The following CPB1 variants were observed in gnomAD, a reference collection of about 807,000 sequenced individuals.
The protein encoded by CPB1 is carboxypeptidase B.
A neutral mutation model predicts 51.4 loss-of-function variants in CPB1; 53 were observed. The observed-to-expected ratio is 1.03, with a 90% confidence interval of 0.83 to 1.30. The LOEUF (loss-of-function observed/expected upper bound fraction) is 1.30, where lower values mean the gene tolerates loss of function less well. CPB1 is among the 50% of genes most tolerant of loss of function. The pLI is 0.00. For synonymous variants in CPB1, 189 were observed against 186.9 expected (o/e 1.01, Z -0.09); for missense variants, 494 against 516.2 (o/e 0.96, Z 0.42).
chr3:148,845,360 T>G (rs1186094405), intron 8 of CPB1, 64 bp from the exon 9 acceptor site: 1 of 1,498,638 alleles, frequency 6.7e-7, no homozygotes, highest in Non-Finnish European at 9.3e-7. Flanking sequence ...ATTTGAAAGT[T>G]TAAAACATCC....
chr3:148,835,615 A>G (rs1339864058), intron 3 of CPB1, among the ~76,000 whole-genome samples: 2 of 152,202 alleles, frequency 1.3e-5, no homozygotes, highest in Non-Finnish European at 2.9e-5. Flanking sequence ...GAAGGAGGAA[A>G]TAAAGTCTCT....
chr3:148,845,567 C>T lies in CPB1; in HGVS notation c.922C>T (p.Gln308Ter). 6.2e-7 allele frequency: 1 copy of T among 1,613,918 alleles called. No homozygotes were observed. The highest frequency in any genetic ancestry group is 2.2e-5 in the East Asian group (1 of 44,886). The change falls in exon 9 of 11, where the codon CAA becomes TAA. Residue 308 changes from glutamine (Q) to a stop codon, truncating the protein, a stop_gained. Coordinates refer to ENST00000282957, the MANE Select transcript of CPB1 (RefSeq NM_001871.3). LOFTEE classifies it high-confidence loss of function. Reference protein sequence around the residue: ...KAYLTIHSYSQMMIYPYSYAY... With the variant: ...KAYLTIHSYS The stretch of plus-strand genomic sequence containing the variant: ...ATATCTGACAATCCACTCGTACTCC[C>T]AAATGATGATCTACCCTTACTCATA...
chr3:148,847,321 A>G (rs1457328700), intron 9 of CPB1, among the ~76,000 whole-genome samples: 1 of 147,824 alleles, frequency 6.8e-6, no homozygotes, highest in South Asian at 2.2e-4. Flanking sequence ...CACTAGTTGT[A>G]TACAATAACA....
At chr3:148,851,971 G>A (rs1713443410) in intron 9 of CPB1, 1 of 152,140 alleles carries the variant, frequency 6.6e-6, no homozygotes, top group African/African-American at 2.4e-5. Context: ...AATTTTTATT[G>A]TAACCATGTC....
In CPB1 at chr3:148,846,797, GTA is replaced by G. The variant is rs368201293; in HGVS notation, c.981+1215_981+1216del. Reference sequence around the variant, plus strand: ...CACATATATATGTGTGTGTGCGTGTGTATATATATATATATATATATATATAT... The same window carrying G: ...CACATATATATGTGTGTGTGCGTGTGTATATATATATATATATATATATAT... On this transcript the variant is annotated intron_variant, in intron 9 of 10. Coordinates refer to ENST00000282957, the MANE Select transcript of CPB1 (RefSeq NM_001871.3). 7.7e-3 allele frequency among the ~76,000 whole-genome samples: 390 copies of G among 50,356 alleles called. 2 individuals are homozygous for G. Among genetic ancestry groups the G allele is most frequent in the East Asian group, 0.024 (31 of 1,272 alleles). 33.0% of individuals were successfully genotyped at this position (50,356 alleles called of 152,430 possible). A position where few individuals can be genotyped will look rare whatever the true frequency, so the allele number is the denominator to read the frequency against.
Position 148,844,601 on chromosome 3 carries a change from A to G in CPB1, c.687+13A>G. The G allele has an allele frequency of 6.2e-7, 1 of 1,611,826 alleles. No individual in the cohort carries two copies. The highest frequency in any genetic ancestry group is 8.5e-7 in the Non-Finnish European group (1 of 1,177,980). On this transcript the variant is annotated intron_variant, in intron 7 of 10. Coordinates refer to ENST00000282957, the MANE Select transcript of CPB1 (RefSeq NM_001871.3). ...CACCTGGACCAAGGTATATGCACCA[A>G]TACTGAGAGAGGCTGATGAAATTAA...
chr3:148,859,872 T>C lies in CPB1; in HGVS notation c.1124T>C (p.Phe375Ser). ...TATGACCAAGGAATCAGATATTCCT[T>C]CACCTTTGAACTTCGAGATACAGGC... The part of the protein sequence containing the change: ...WAYDQGIRYS[F>S]TFELRDTGRY... Residue 375 changes from phenylalanine to serine, a missense_variant, in exon 11 of 11, where the codon TTC becomes TCC. Coordinates refer to ENST00000282957, the MANE Select transcript of CPB1 (RefSeq NM_001871.3). 2 of 1,614,148 alleles carry C rather than the reference T, an allele frequency of 1.2e-6. No homozygotes were observed. The highest frequency in any genetic ancestry group is 8.5e-7 in the Non-Finnish European group (1 of 1,179,998).
At chr3:148,836,534 G>A (rs953035497) in intron 3 of CPB1, among the ~76,000 whole-genome samples, 10 of 152,116 alleles carry the variant, frequency 6.6e-5, no homozygotes, top group African/African-American at 2.2e-4. Context: ...AATGGTTTCT[G>A]ATAGAATTTC....
intron 9 of CPB1, chr3:148,857,189 T>C (rs1235534398): frequency 1.2e-5 from 3 of 259,270 alleles, no homozygotes; most frequent in Non-Finnish European, 2.2e-5. Context: ...TGTCTCCTGC[T>C]TTTCTGTTAC....
At chr3:148,838,926 T>A (rs1712992166) in intron 3 of CPB1, among the ~76,000 whole-genome samples, 1 of 152,196 alleles carries the variant, frequency 6.6e-6, no homozygotes, top group Non-Finnish European at 1.5e-5. Flanking sequence ...TAAATATAAT[T>A]ATAGTGCTGA....
chr3:148,828,736 G>C (rs1377949658), intron 2 of CPB1, among the ~76,000 whole-genome samples: 2 of 152,122 alleles, frequency 1.3e-5, no homozygotes, highest in African/African-American at 4.8e-5. Context: ...TTCCACTTGG[G>C]CCAATGCCGT....
intron 2 of CPB1, among the ~76,000 whole-genome samples, chr3:148,832,161 G>A (rs561442257): frequency 3.3e-5 from 5 of 152,216 alleles, no homozygotes; most frequent in African/African-American, 1.2e-4. Flanking sequence ...CCATCTTAAA[G>A]AATCCATAAT....
intron 3 of CPB1, among the ~76,000 whole-genome samples, chr3:148,835,398 T>C (rs914725569): frequency 2.6e-5 from 4 of 152,080 alleles, no homozygotes; most frequent in African/African-American, 9.7e-5. Context: ...AAGAGTAAAG[T>C]GCTGGAGTTC....
At position 148,845,440 on chromosome 3, in the gene CPB1, A is replaced by G; in HGVS notation, c.795A>G (p.Arg265=). Residue 265 remains arginine (R), a synonymous_variant, in exon 9 of 11, where the codon CGA becomes CGG. Coordinates refer to ENST00000282957, the MANE Select transcript of CPB1 (RefSeq NM_001871.3). ...DAGWCEIGAS[R]NPCDETYCGP... ...TTTTTCCAGAAATTGGAGCCTCTCG[A>G]AACCCCTGTGATGAAACTTACTGTG... 6.2e-7 allele frequency: 1 copy of G among 1,613,918 alleles called. No homozygotes were observed. The highest frequency in any genetic ancestry group is 8.5e-7 in the Non-Finnish European group (1 of 1,179,838).
At chr3:148,849,697 G>A (rs551016267) in intron 9 of CPB1, among the ~76,000 whole-genome samples, 3 of 152,214 alleles carry the variant, frequency 2.0e-5, no homozygotes, top group Non-Finnish European at 4.4e-5. Flanking sequence ...CTACACAAAG[G>A]TGCCAATCCA....
intron 2 of CPB1, 100 bp from the exon 3 acceptor site, chr3:148,834,398 A>G: frequency 8.6e-7 from 1 of 1,159,744 alleles, no homozygotes; most frequent in Non-Finnish European, 1.3e-6. Context: ...GGATGATTTG[A>G]TTTTGAAAAT....
At chr3:148,837,188 G>C (rs1045662904) in intron 3 of CPB1, among the ~76,000 whole-genome samples, 13 of 152,186 alleles carry the variant, frequency 8.5e-5, no homozygotes, top group African/African-American at 3.1e-4. Flanking sequence ...GCTACAGACT[G>C]TAGAAAGATT....
Position 148,841,905 on chromosome 3 carries a change from G to T in CPB1, c.557G>T (p.Cys186Phe), listed in dbSNP as rs749310319. 3 of 1,613,508 alleles carry T rather than the reference G, an allele frequency of 1.9e-6. No individual in the cohort carries two copies. Among genetic ancestry groups the T allele is most frequent in the Non-Finnish European group, 2.5e-6 (3 of 1,179,504 alleles). ...AGAGAGTGGATTTCTCCTGCATTCTGCCAGTGGTTTGTAAGAGAGGTCAGT... is the reference window on the plus strand; with the variant it reads ...AGAGAGTGGATTTCTCCTGCATTCTTCCAGTGGTTTGTAAGAGAGGTCAGT... ...HAREWISPAF[C>F]QWFVREAVRT... The change falls in exon 6 of 11, where the codon TGC (cysteine) becomes TTC (phenylalanine). Residue 186 changes from cysteine (C) to phenylalanine (F), a missense_variant. Coordinates refer to ENST00000282957, the MANE Select transcript of CPB1 (RefSeq NM_001871.3).
intron 2 of CPB1, 134 bp downstream of exon 2, chr3:148,828,211 T>C (rs1712629915): frequency 1.4e-6 from 1 of 716,530 alleles, no homozygotes; most frequent in South Asian, 1.9e-5. Flanking sequence ...TTGGAAAACA[T>C]TTAGTGCCAT....
Sources: allele counts gnomAD v4.1 joint callset (sites outside exome capture counted in the v4.1 genomes callset), GRCh38; gene constraint gnomAD v4.1.1; transcripts MANE v1.5; gene names NCBI Gene and HGNC (gene_info 2026-07-23, HGNC 2026-07-21).